Variants in PPP3CA observed in about 807,000 individuals in gnomAD.
PPP3CA encodes protein phosphatase 3 catalytic subunit alpha.
PPP3CA carries 14 observed loss-of-function variants against 66.5 expected under a neutral mutation model. The observed-to-expected ratio is 0.21, with a 90% confidence interval of 0.14 to 0.33. PPP3CA has a LOEUF of 0.33. Among genes scored for constraint, PPP3CA ranks in the 10% least tolerant of loss-of-function variants. The probability of loss-of-function intolerance (pLI) is 1.00; values close to 1 mark genes in which losing one functional copy is unlikely to be tolerated. For synonymous variants in PPP3CA, 232 were observed against 226.2 expected, an observed-to-expected ratio of 1.03 and a Z score of -0.23; for missense variants, 317 against 639.5, an observed-to-expected ratio of 0.50 and a Z score of 5.44.
chr4:101,051,610 A>G (rs951214541), intron 10 of PPP3CA, among the ~76,000 whole-genome samples: 2 of 152,294 alleles, frequency 1.3e-5, no homozygotes, highest in Admixed American at 6.5e-5. Context: ...GTTTGCGAGA[A>G]GTAAAGTGTT....
At chr4:101,059,035 C>T (rs998016215) in intron 10 of PPP3CA, among the ~76,000 whole-genome samples, 1 of 152,004 alleles carries the variant, frequency 6.6e-6, no homozygotes, top group African/African-American at 2.4e-5. Context: ...TAATGTTAAT[C>T]TTTCTTTTAA....
At chr4:101,066,264 A>C (rs1460650510) in intron 8 of PPP3CA, among the ~76,000 whole-genome samples, 1 of 152,166 alleles carries the variant, frequency 6.6e-6, no homozygotes, top group African/African-American at 2.4e-5. Context: ...ATCTCTTTAA[A>C]GAAGAGCACT....
At chr4:101,034,786 G>T (rs2110207367) in intron 11 of PPP3CA, among the ~76,000 whole-genome samples, 1 of 152,090 alleles carries the variant, frequency 6.6e-6, no homozygotes, top group South Asian at 2.1e-4. Context: ...AAGCTTCTGT[G>T]GTCTGTCAAA....
chr4:101,067,855 A>G (rs1728750587), intron 8 of PPP3CA, among the ~76,000 whole-genome samples: 1 of 151,522 alleles, frequency 6.6e-6, no homozygotes, highest in South Asian at 2.1e-4. Context: ...GCTTCTAATT[A>G]AAGACCAGCT....
At chr4:101,322,798 C>T (rs540243477) in intron 1 of PPP3CA, among the ~76,000 whole-genome samples, 88 of 151,984 alleles carry the variant, frequency 5.8e-4, no homozygotes, top group South Asian at 3.3e-3. Context: ...ATCCAGCTTA[C>T]GGTATTTTTG....
intron 1 of PPP3CA, among the ~76,000 whole-genome samples, chr4:101,275,017 CA>C (rs1259128072): frequency 2.0e-5 from 3 of 152,124 alleles, no homozygotes; most frequent in Non-Finnish European, 4.4e-5. Flanking sequence ...GAAACTGAAT[CA>C]TTTTCAGTGA....
intron 1 of PPP3CA, among the ~76,000 whole-genome samples, chr4:101,309,459 T>C (rs1015791107): frequency 2.6e-5 from 4 of 152,040 alleles, no homozygotes; most frequent in African/African-American, 9.7e-5. Context: ...ATATAAACAC[T>C]TGAAACTAAA....
chr4:101,287,731 G>C (rs371060322), intron 1 of PPP3CA, among the ~76,000 whole-genome samples: 2 of 151,044 alleles, frequency 1.3e-5, no homozygotes, highest in African/African-American at 4.8e-5. Flanking sequence ...CATTAAAAAG[G>C]AAACAAAATA....
At chr4:101,345,405 G>A (rs569658064) in intron 1 of PPP3CA, among the ~76,000 whole-genome samples, 1 of 152,266 alleles carries the variant, frequency 6.6e-6, no homozygotes, top group East Asian at 1.9e-4. Flanking sequence ...TGGTGCAAAC[G>A]ACTTGATTGC....
At chr4:101,194,668 G>A (rs1724728276) in intron 2 of PPP3CA, among the ~76,000 whole-genome samples, 1 of 152,026 alleles carries the variant, frequency 6.6e-6, no homozygotes, top group South Asian at 2.1e-4. Flanking sequence ...CTGGGTTCAA[G>A]AGATTCTCCT....
rs1224320485 is a variant in PPP3CA at position 101,108,883 on chromosome 4, T to G, written c.384+71A>C. 14 of 1,480,550 alleles carry G rather than the reference T, an allele frequency of 9.5e-6. No homozygotes were observed. In the African/African-American group the frequency reaches 1.8e-4, roughly 19 times the overall value. 91.7% of individuals were successfully genotyped at this position (1,480,550 alleles called of 1,614,324 possible). A position where few individuals can be genotyped will look rare whatever the true frequency, so the allele number is the denominator to read the frequency against. On this transcript the variant is annotated intron_variant, in intron 3 of 13. Coordinates refer to ENST00000394854, the MANE Select transcript of PPP3CA (RefSeq NM_000944.5). ...GAGGTTTCCATAAGGCAATAACATT[T>G]ACTGCTTTTATTTTTTTGAGATACT...
chr4:101,196,091 C>G lies in PPP3CA; in HGVS notation c.84G>C (p.Arg28=). The stretch of plus-strand genomic sequence containing the variant: ...TATCAAACACTTCTTTTGCTGTAAG[C>G]CGGTGACTTGGAGGAAATGGAACAG... ...VKAVPFPPSH[R]LTAKEVFDND... The change falls in exon 2 of 14, where the codon CGG becomes CGC. Residue 28 remains arginine, a synonymous_variant. Transcript: ENST00000394854. 1 of 1,613,860 alleles carries G rather than the reference C, an allele frequency of 6.2e-7. No individual in the cohort carries two copies. Among genetic ancestry groups the G allele is most frequent in the South Asian group, 1.1e-5 (1 of 91,060 alleles).
At chr4:101,299,224 A>T (rs539935389) in intron 1 of PPP3CA, among the ~76,000 whole-genome samples, 62 of 146,864 alleles carry the variant, frequency 4.2e-4, no homozygotes, top group African/African-American at 1.4e-3. Context: ...AAGTCCTGGA[A>T]TTACAGGCAT....
intron 1 of PPP3CA, among the ~76,000 whole-genome samples, chr4:101,314,426 T>G (rs532630873): frequency 1.3e-5 from 2 of 152,040 alleles, no homozygotes; most frequent in East Asian, 3.9e-4. Context: ...TAGCTGGGCA[T>G]GGTGGCGGGC....
chr4:101,131,426 A>G (rs1452804970), intron 2 of PPP3CA, among the ~76,000 whole-genome samples: 5 of 151,506 alleles, frequency 3.3e-5, no homozygotes, highest in African/African-American at 1.2e-4. Flanking sequence ...AGAAAGAAAA[A>G]AAAAAAAAAG....
At chr4:101,110,210 A>G (rs1721624462) in intron 2 of PPP3CA, among the ~76,000 whole-genome samples, 1 of 152,226 alleles carries the variant, frequency 6.6e-6, no homozygotes, top group African/African-American at 2.4e-5. Context: ...GCATTCGTGA[A>G]TAAGAAATCA....
chr4:101,076,599 TA>T, intron 8 of PPP3CA, among the ~76,000 whole-genome samples: 1 of 152,080 alleles, frequency 6.6e-6, no homozygotes, highest in Non-Finnish European at 1.5e-5. Context: ...ATGAGACAAA[TA>T]TTTTGGATAG....
intron 1 of PPP3CA, among the ~76,000 whole-genome samples, chr4:101,205,073 G>C (rs1409332417): frequency 4.0e-5 from 6 of 151,346 alleles, no homozygotes; most frequent in African/African-American, 4.9e-5. Flanking sequence ...TCCTCACTGG[G>C]ATGAATTTAA....
chr4:101,249,273 A>G (rs986940740), intron 1 of PPP3CA, among the ~76,000 whole-genome samples: 4 of 152,152 alleles, frequency 2.6e-5, no homozygotes, highest in African/African-American at 9.7e-5. Context: ...TTTTACAGAC[A>G]CGTTATCCAC....
Sources: allele counts gnomAD v4.1 joint callset (sites outside exome capture counted in the v4.1 genomes callset), GRCh38; gene constraint gnomAD v4.1.1; transcripts MANE v1.5; gene names NCBI Gene and HGNC (gene_info 2026-07-23, HGNC 2026-07-21).